Variants in PRELID2 observed in about 807,000 individuals in gnomAD.
PRELID2 encodes PRELI domain-containing protein 2.
A neutral mutation model predicts 28.4 loss-of-function variants in PRELID2; 25 were observed. That is an observed-to-expected ratio of 0.88 (90% CI 0.64 to 1.23). The LOEUF (loss-of-function observed/expected upper bound fraction) is 1.23. Among genes scored for constraint, PRELID2 ranks in the 50% most tolerant of loss-of-function variants. The pLI is 0.00. For synonymous variants in PRELID2, 76 were observed against 71.6 expected (o/e 1.06, Z -0.31); for missense variants, 201 against 214.4 (o/e 0.94, Z 0.39).
At chr5:145,575,244 C>T (rs1035390826) in intron 1 of PRELID2, among the ~76,000 whole-genome samples, 4 of 152,186 alleles carry the variant, frequency 2.6e-5, no homozygotes, top group Non-Finnish European at 5.9e-5. Context: ...CCTGCTGATA[C>T]TCAGGTCAAT....
chr5:145,768,363 C>T (rs1757903095), intron 5 of PRELID2, among the ~76,000 whole-genome samples: 1 of 151,776 alleles, frequency 6.6e-6, no homozygotes, highest in Admixed American at 6.6e-5. Context: ...CCCTTAACAA[C>T]AGACCCAGTT....
the PRELID2 span, among the ~76,000 whole-genome samples, chr5:145,293,219 C>T: frequency 2.0e-5 from 3 of 152,106 alleles, no homozygotes; most frequent in Non-Finnish European, 4.4e-5. Context: ...GTATTGTCCC[C>T]ACATACATTT....
At chr5:145,803,815 C>G (rs1307621851) in intron 4 of PRELID2, among the ~76,000 whole-genome samples, 1 of 151,468 alleles carries the variant, frequency 6.6e-6, no homozygotes, top group African/African-American at 2.4e-5. Flanking sequence ...CTCCAAGACT[C>G]TGTAATTCAT....
At chr5:145,687,201 G>A (rs1438728395) in intron 1 of PRELID2, among the ~76,000 whole-genome samples, 3 of 152,092 alleles carry the variant, frequency 2.0e-5, no homozygotes, top group Non-Finnish European at 4.4e-5. Context: ...TCTTCTTCTG[G>A]GGATGAAACT....
At chr5:145,520,514 G>A (rs1375703667) in intron 1 of PRELID2, among the ~76,000 whole-genome samples, 1 of 152,054 alleles carries the variant, frequency 6.6e-6, no homozygotes, top group Non-Finnish European at 1.5e-5. Context: ...CTGTTCACCT[G>A]CAGTTCTCAT....
At chr5:145,450,540 G>C in the PRELID2 span, 1 of 152,080 alleles carries the variant, frequency 6.6e-6, no homozygotes, top group African/African-American at 2.4e-5. Flanking sequence ...AAGGAAACAA[G>C]ACCCAGGCCA....
intron 1 of PRELID2, among the ~76,000 whole-genome samples, chr5:145,538,854 A>T (rs752317910): frequency 6.6e-6 from 1 of 151,834 alleles, no homozygotes; most frequent in African/African-American, 2.4e-5. Flanking sequence ...GAATGAAGCA[A>T]ATTTTTGAAG....
At chr5:145,597,753 C>A (rs1753330556) in intron 1 of PRELID2, among the ~76,000 whole-genome samples, 1 of 151,946 alleles carries the variant, frequency 6.6e-6, no homozygotes, top group South Asian at 2.1e-4. Context: ...GTTGAAAATC[C>A]CAGATCTAGA....
At chr5:145,745,030 A>G (rs1756951423) in intron 1 of PRELID2, among the ~76,000 whole-genome samples, 1 of 152,014 alleles carries the variant, frequency 6.6e-6, no homozygotes, top group Non-Finnish European at 1.5e-5. Context: ...GATCTGATGG[A>G]GCTAAAAACA....
At chr5:145,315,064 C>CTTTTTTTTTTTTT in the PRELID2 span, among the ~76,000 whole-genome samples, 2 of 100,590 alleles carry the variant, frequency 2.0e-5, no homozygotes, top group Non-Finnish European at 4.0e-5. Flanking sequence ...TACAATAATT[C>CTTTTTTTTTTTTT]TTTTTTTTTT....
chr5:145,630,574 G>A (rs1036331520), intron 1 of PRELID2, among the ~76,000 whole-genome samples: 4 of 152,098 alleles, frequency 2.6e-5, no homozygotes, highest in African/African-American at 4.8e-5. Context: ...CTTAAAACGT[G>A]TTCTTCCTTG....
chr5:145,611,941 C>A (rs1003415720), intron 1 of PRELID2, among the ~76,000 whole-genome samples: 3 of 152,124 alleles, frequency 2.0e-5, no homozygotes, highest in Admixed American at 1.3e-4. Flanking sequence ...CATATTGATA[C>A]AAACATTGAC....
At chr5:145,733,293 A>C (rs1756399736) in intron 1 of PRELID2, among the ~76,000 whole-genome samples, 1 of 151,832 alleles carries the variant, frequency 6.6e-6, no homozygotes, top group South Asian at 2.1e-4. Context: ...GAAATCCAAG[A>C]CTCCACCTAA....
intron 1 of PRELID2, among the ~76,000 whole-genome samples, chr5:145,676,227 A>T (rs1028500674): frequency 1.4e-5 from 2 of 146,058 alleles, no homozygotes; most frequent in African/African-American, 5.3e-5. Context: ...TCTCAAAAAA[A>T]AAAAAAAAAA....
intron 1 of PRELID2, among the ~76,000 whole-genome samples, chr5:145,543,175 T>C (rs536194669): frequency 1.3e-5 from 2 of 152,146 alleles, no homozygotes; most frequent in African/African-American, 2.4e-5. Flanking sequence ...GCTTGAGTTA[T>C]CATTTGAATA....
At chr5:145,619,633 G>A (rs1334898005) in intron 1 of PRELID2, among the ~76,000 whole-genome samples, 1 of 152,158 alleles carries the variant, frequency 6.6e-6, no homozygotes, top group Non-Finnish European at 1.5e-5. Context: ...TATTCCTGCG[G>A]TCATTCTGGA....
At chr5:145,790,293 A>G (rs1487544031) in intron 5 of PRELID2, among the ~76,000 whole-genome samples, 1 of 152,184 alleles carries the variant, frequency 6.6e-6, no homozygotes, top group African/African-American at 2.4e-5. Flanking sequence ...GGTATAGTAC[A>G]CAGTGGAGTA....
At chr5:145,668,749 A>T (rs1429258476) in intron 1 of PRELID2, among the ~76,000 whole-genome samples, 1 of 152,136 alleles carries the variant, frequency 6.6e-6, no homozygotes, top group Non-Finnish European at 1.5e-5. Context: ...TCTCAGGTCC[A>T]CACAGCTGGT....
At chr5:145,413,421 G>A in the PRELID2 span, among the ~76,000 whole-genome samples, 1 of 152,136 alleles carries the variant, frequency 6.6e-6, no homozygotes, top group African/African-American at 2.4e-5. Context: ...AAACAGTATG[G>A]AGATTCCTTG....
Sources: gnomAD v4.1 joint callset for allele counts (sites outside exome capture counted in the v4.1 genomes callset) on GRCh38, gnomAD v4.1.1 for gene constraint, MANE v1.5 for transcripts, NCBI Gene and HGNC (gene_info 2026-07-23, HGNC 2026-07-21) for gene names.